Variants in THBS4 observed in about 807,000 individuals in gnomAD.
THBS4 encodes the protein thrombospondin 4.
THBS4 carries 90 observed loss-of-function variants against 115.7 expected under a neutral mutation model. That is an observed-to-expected ratio of 0.78 (90% CI 0.66 to 0.93). The LOEUF is 0.93. Ranked by LOEUF, THBS4 falls within the 40% of genes least tolerant of loss-of-function variation. The pLI, the probability that THBS4 is intolerant of heterozygous loss-of-function variation, is 0.00. For synonymous variants in THBS4, 460 were observed against 479.3 expected, an observed-to-expected ratio of 0.96 and a Z score of 0.53; for missense variants, 1,087 against 1,232.7, an observed-to-expected ratio of 0.88 and a Z score of 1.77.
At chr5:80,081,791 G>C (rs1335971427) in intron 20 of THBS4, among the ~76,000 whole-genome samples, 1 of 152,222 alleles carries the variant, frequency 6.6e-6, no homozygotes, top group East Asian at 1.9e-4. Flanking sequence ...GAACACTCCA[G>C]AAGTGTATGG....
intron 8 of THBS4, among the ~76,000 whole-genome samples, chr5:80,065,087 G>A (rs552514599): frequency 6.6e-6 from 1 of 151,966 alleles, no homozygotes; most frequent in Non-Finnish European, 1.5e-5. Context: ...CCTCATTTAG[G>A]AGAACTGCAT....
At chr5:80,032,742 C>A (rs1832609638), upstream of THBS4, among the ~76,000 whole-genome samples, 1 of 152,194 alleles carries the variant, frequency 6.6e-6, no homozygotes, top group Non-Finnish European at 1.5e-5. Flanking sequence ...TCTTCTCCTG[C>A]CTGCTTTATT....
chr5:80,070,583 AAC>A, intron 11 of THBS4, 58 bp from the exon 12 acceptor site: 1 of 1,534,790 alleles, frequency 6.5e-7, no homozygotes, highest in Middle Eastern at 1.7e-4. Flanking sequence ...TGAGGTCAGA[AAC>A]AGTTACTGGC....
rs1322389776 is a variant in THBS4 at position 80,055,679 on chromosome 5, T to C, written c.293-106T>C. ...ATTCCGTCCAGCAACCCAGTCTTGTTACCAGGAGGCTGTTCAGCACAGGAC... is the reference window on the plus strand; with the variant it reads ...ATTCCGTCCAGCAACCCAGTCTTGTCACCAGGAGGCTGTTCAGCACAGGAC... On this transcript the variant is annotated intron_variant, in intron 2 of 21. Transcript: ENST00000350881. The C allele has an allele frequency of 2.7e-6, 4 of 1,460,044 alleles. No individual in the cohort carries two copies. In the African/African-American group the frequency reaches 5.6e-5, roughly 21 times the overall value. 90.4% of individuals were successfully genotyped at this position (1,460,044 alleles called of 1,614,324 possible).
At chr5:80,060,981 TC>T (rs1424123569) in intron 7 of THBS4, among the ~76,000 whole-genome samples, 1 of 152,160 alleles carries the variant, frequency 6.6e-6, no homozygotes, top group Admixed American at 6.5e-5. Flanking sequence ...TTAGTAACAC[TC>T]AGCTGATTAC....
At chr5:80,080,267 C>A in intron 20 of THBS4, 190 bp downstream of exon 20, 1 of 652,014 alleles carries the variant, frequency 1.5e-6, no homozygotes, top group African/African-American at 1.8e-5. Flanking sequence ...GTCAGACCAC[C>A]CGGACAGGAC....
intron 2 of THBS4, among the ~76,000 whole-genome samples, chr5:80,010,588 G>A (rs771747888): frequency 6.6e-6 from 1 of 152,210 alleles, no homozygotes; most frequent in African/African-American, 2.4e-5. Flanking sequence ...TTAAATTTGT[G>A]TTGCTGGGTG....
In THBS4 at chr5:80,071,063, G is replaced by A. The variant is rs528727603; in HGVS notation, c.1603G>A (p.Asp535Asn). The part of the protein sequence containing the change: ...LIHNVDQRNS[D>N]KDIFGDACDN... The stretch of plus-strand genomic sequence containing the variant: ...TCATAATGTGGACCAAAGGAACAGC[G>A]ATAAAGATATCTTTGGGGATGCCTG... The change falls in exon 13 of 22, where the codon GAT becomes AAT. Residue 535 changes from aspartate to asparagine, a missense_variant. Asp to Asn is a conservative substitution (Grantham distance 23). Transcript: ENST00000350881. The A allele has an allele frequency of 1.2e-5, 20 of 1,613,152 alleles. No homozygotes were observed. Among genetic ancestry groups the A allele is most frequent in the East Asian group, 2.2e-5 (1 of 44,882 alleles).
chr5:80,039,229 T>C (rs1271035651), intron 1 of THBS4, among the ~76,000 whole-genome samples: 1 of 152,206 alleles, frequency 6.6e-6, no homozygotes, highest in Non-Finnish European at 1.5e-5. Flanking sequence ...TCAAATGATA[T>C]TTGCGTCTGC....
intron 2 of THBS4, among the ~76,000 whole-genome samples, chr5:80,041,772 T>C (rs186218200): frequency 6.3e-4 from 96 of 152,328 alleles, no homozygotes; most frequent in African/African-American, 2.3e-3. Flanking sequence ...GACAGATGCG[T>C]GTTCCTGCTG....
chr5:80,055,855 C>T lies in THBS4; in HGVS notation c.363C>T (p.Asp121=), dbSNP rs184538051. Reference sequence around the variant, plus strand: ...TTTTCAACAACCTGCAGCTGGCAGACGGAAGGCGGCACAGGATCCTCCTGA... The same window carrying T: ...TTTTCAACAACCTGCAGCTGGCAGATGGAAGGCGGCACAGGATCCTCCTGA... ...LVVFNNLQLA[D]GRRHRILLRL... The change falls in exon 3 of 22, where the codon GAC becomes GAT. Residue 121 remains aspartate (D), a synonymous_variant. Coordinates refer to ENST00000350881, the MANE Select transcript of THBS4 (RefSeq NM_003248.6). The T allele has an allele frequency of 7.2e-5, 117 of 1,614,154 alleles. 1 individual carries two copies. In the Middle Eastern group the frequency reaches 8.2e-4, roughly 11 times the overall value.
At position 80,011,876 on chromosome 5, in the gene THBS4, TAAAAAAAAAGAAA is replaced by T. The variant is rs545345582; in HGVS notation, n.177+13455_177+13467del. On this transcript the variant is annotated intron_variant and non_coding_transcript_variant, in intron 2 of 3. Transcript: ENST00000510218. Reference sequence around the variant, plus strand: ...TATGCTGAGAAACGATTCTGTTTCTTAAAAAAAAAGAAAAAAAAGAAAGAAAGAAACCCAAACA... The same window carrying T: ...TATGCTGAGAAACGATTCTGTTTCTTAAAAAGAAAGAAAGAAACCCAAACA... Among the ~76,000 whole-genome samples the T allele has an allele frequency of 4.3e-4, 64 of 150,120 alleles. No individual in the cohort carries two copies. In the South Asian group the frequency reaches 0.011, roughly 27 times the overall value.
rs1834002384 is a variant in THBS4, at chr5:80,070,521, G to A, written c.1452+111G>A. The A allele has an allele frequency of 5.1e-6, 7 of 1,383,614 alleles. No individual in the cohort carries two copies. The Admixed American group carries it at 1.2e-4, about 24-fold the overall frequency. 85.7% of individuals were successfully genotyped at this position (1,383,614 alleles called of 1,614,324 possible). A position where few individuals can be genotyped will look rare whatever the true frequency, so the allele number is the denominator to read the frequency against. ...AATTTAAAATTGTACTTGTAAAGTAGCTGCATCTCAGAGGAAGTGAAACAG... is the reference window on the plus strand; with the variant it reads ...AATTTAAAATTGTACTTGTAAAGTAACTGCATCTCAGAGGAAGTGAAACAG... On this transcript the variant is annotated intron_variant, in intron 11 of 21. Transcript: ENST00000350881.
At chr5:80,025,589 A>G (rs1832460036) in intron 2 of THBS4, among the ~76,000 whole-genome samples, 1 of 152,180 alleles carries the variant, frequency 6.6e-6, no homozygotes, top group Non-Finnish European at 1.5e-5. Context: ...TGGTCAGGGG[A>G]ACATCAAGGA....
upstream of THBS4, chr5:80,033,221 G>T: frequency 2.2e-6 from 1 of 450,848 alleles, no homozygotes; most frequent in South Asian, 1.8e-5. Flanking sequence ...CGGCTGATGG[G>T]GAACACACGT....
intron 9 of THBS4, 194 bp from the exon 10 acceptor site, chr5:80,067,779 A>C: frequency 1.8e-6 from 1 of 570,248 alleles, no homozygotes; most frequent in Non-Finnish European, 3.0e-6. Context: ...GGCCGGACGC[A>C]GCCTCCAGTC....
chr5:80,022,527 G>A (rs1458405342), intron 2 of THBS4, among the ~76,000 whole-genome samples: 1 of 152,140 alleles, frequency 6.6e-6, no homozygotes, highest in Non-Finnish European at 1.5e-5. Context: ...AAAAAAGCTT[G>A]TGGCCCTAAG....
At chr5:80,018,287 T>G (rs1413043006) in intron 2 of THBS4, among the ~76,000 whole-genome samples, 3 of 152,012 alleles carry the variant, frequency 2.0e-5, no homozygotes, top group African/African-American at 7.2e-5. Context: ...ATTTATCTTA[T>G]ACTTCACTAG....
At chr5:80,064,490 A>G (rs1192393388) in intron 8 of THBS4, among the ~76,000 whole-genome samples, 1 of 152,256 alleles carries the variant, frequency 6.6e-6, no homozygotes, top group Non-Finnish European at 1.5e-5. Context: ...TAAAAAGGTA[A>G]AGAAATAAAT....
Sources: allele counts gnomAD v4.1 joint callset (sites outside exome capture counted in the v4.1 genomes callset), GRCh38; gene constraint gnomAD v4.1.1; transcripts MANE v1.5; gene names NCBI Gene and HGNC (gene_info 2026-07-23, HGNC 2026-07-21).